ASIC2: variants seen among roughly 807,000 people sequenced by gnomAD.
ASIC2 encodes the protein acid sensing ion channel subunit 2, also known as acid-sensing ion channel 2.
Under a neutral mutation model 57.3 loss-of-function variants are expected in ASIC2, and 25 were observed. The ratio of observed to expected loss-of-function variants is 0.44; its 90% CI spans 0.32 to 0.61. The LOEUF (loss-of-function observed/expected upper bound fraction) is 0.61, where lower values mean the gene tolerates loss of function less well. Among genes scored for constraint, ASIC2 ranks in the 20% least tolerant of loss-of-function variants. The pLI, the probability that ASIC2 is intolerant of heterozygous loss-of-function variation, is 0.06. For missense variants in ASIC2, 641 were observed against 738.1 expected, an observed-to-expected ratio of 0.87 and a Z score of 1.52; for synonymous variants, 319 against 307.5, an observed-to-expected ratio of 1.04 and a Z score of -0.39.
chr17:33,067,488 A>C (rs1208436153), intron 3 of ASIC2, among the ~76,000 whole-genome samples: 2 of 152,206 alleles, frequency 1.3e-5, no homozygotes, highest in Non-Finnish European at 2.9e-5. Flanking sequence ...AGAGATGGGA[A>C]TCTGCAGGGC....
chr17:33,881,058 C>G (rs1456750255), intron 1 of ASIC2, among the ~76,000 whole-genome samples: 1 of 152,224 alleles, frequency 6.6e-6, no homozygotes, highest in South Asian at 2.1e-4. Flanking sequence ...CAAAATTCAA[C>G]AGCCCTTCAT....
At chr17:34,047,506 C>CAAAAAAA (rs765688526) in intron 1 of ASIC2, among the ~76,000 whole-genome samples, 2 of 68,310 alleles carry the variant, frequency 2.9e-5, no homozygotes, top group Non-Finnish European at 3.0e-5. Context: ...CACCTTTCTC[C>CAAAAAAA]AGAAAAAAAA....
At chr17:33,895,821 A>G (rs1444013832) in intron 1 of ASIC2, among the ~76,000 whole-genome samples, 1 of 152,226 alleles carries the variant, frequency 6.6e-6, no homozygotes, top group African/African-American at 2.4e-5. Context: ...GAGGCAGAAC[A>G]GTTGTAAGGC....
intron 1 of ASIC2, among the ~76,000 whole-genome samples, chr17:33,208,691 T>C (rs1422974300): frequency 2.0e-5 from 3 of 151,848 alleles, no homozygotes; most frequent in African/African-American, 7.3e-5. Context: ...TATTTATTAT[T>C]ATTATTAACT....
intron 1 of ASIC2, among the ~76,000 whole-genome samples, chr17:33,782,432 T>C (rs1163458106): frequency 6.6e-6 from 1 of 151,998 alleles, no homozygotes; most frequent in African/African-American, 2.4e-5. Context: ...TAGAGTGATC[T>C]TTTAAAAATA....
At chr17:33,552,964 C>T (rs957697993) in intron 1 of ASIC2, among the ~76,000 whole-genome samples, 1 of 152,200 alleles carries the variant, frequency 6.6e-6, no homozygotes, top group East Asian at 1.9e-4. Flanking sequence ...TCCCTCCCAA[C>T]TGAACCCTGG....
intron 1 of ASIC2, among the ~76,000 whole-genome samples, chr17:33,409,310 G>C (rs1358607644): frequency 6.6e-6 from 1 of 152,224 alleles, no homozygotes; most frequent in East Asian, 1.9e-4. Flanking sequence ...AGTGAGGTGA[G>C]AGGCATCTGC....
chr17:34,062,018 C>T (rs1908987893), intron 1 of ASIC2, among the ~76,000 whole-genome samples: 1 of 152,100 alleles, frequency 6.6e-6, no homozygotes, highest in Non-Finnish European at 1.5e-5. Context: ...TACCTTGGAA[C>T]AAATGGACTT....
At chr17:33,122,827 C>T (rs1281322368) in intron 1 of ASIC2, among the ~76,000 whole-genome samples, 1 of 152,174 alleles carries the variant, frequency 6.6e-6, no homozygotes, top group Non-Finnish European at 1.5e-5. Context: ...CCCTGTCCAT[C>T]CCCCTGCACT....
chr17:33,034,557 GT>G (rs945107982), intron 3 of ASIC2, among the ~76,000 whole-genome samples: 61 of 151,684 alleles, frequency 4.0e-4, no homozygotes, highest in Admixed American at 3.3e-4. Flanking sequence ...TAATGTCTTA[GT>G]TTTTTTTTGT....
At chr17:33,755,343 C>A (rs1910563958) in intron 1 of ASIC2, among the ~76,000 whole-genome samples, 1 of 152,208 alleles carries the variant, frequency 6.6e-6, no homozygotes, top group African/African-American at 2.4e-5. Context: ...TTTCTGACGT[C>A]TAGAGCCATA....
chr17:33,977,879 C>T (rs1428758438), intron 1 of ASIC2, among the ~76,000 whole-genome samples: 5 of 152,172 alleles, frequency 3.3e-5, no homozygotes, highest in East Asian at 1.9e-4. Context: ...TTGGGGCCAG[C>T]GGTCTTGTTG....
chr17:33,271,259 T>C (rs1479386714), intron 1 of ASIC2, among the ~76,000 whole-genome samples: 4 of 152,168 alleles, frequency 2.6e-5, no homozygotes, highest in Non-Finnish European at 5.9e-5. Flanking sequence ...CAGGGCCCAG[T>C]GCTCAGCCTG....
intron 3 of ASIC2, among the ~76,000 whole-genome samples, chr17:33,057,366 C>A (rs996586356): frequency 1.3e-5 from 2 of 152,190 alleles, no homozygotes; most frequent in African/African-American, 4.8e-5. Flanking sequence ...GAAATCACCC[C>A]CTCTGAACCT....
intron 1 of ASIC2, among the ~76,000 whole-genome samples, chr17:33,904,908 G>T (rs950765915): frequency 2.0e-5 from 3 of 152,120 alleles, no homozygotes; most frequent in African/African-American, 7.2e-5. Flanking sequence ...AAGGCTAACA[G>T]CCTTAATTAC....
At chr17:33,636,879 C>CCACA (rs765523479) in intron 1 of ASIC2, among the ~76,000 whole-genome samples, 1 of 149,764 alleles carries the variant, frequency 6.7e-6, no homozygotes, top group Non-Finnish European at 1.5e-5. Flanking sequence ...GCACACACAC[C>CCACA]CACACACACA....
At chr17:34,136,761 C>T (rs1912137243) in intron 1 of ASIC2, among the ~76,000 whole-genome samples, 1 of 152,204 alleles carries the variant, frequency 6.6e-6, no homozygotes, top group African/African-American at 2.4e-5. Context: ...CGTGGCCACT[C>T]ATATTTGGCT....
chr17:33,575,320 C>T (rs1029842946), intron 1 of ASIC2, among the ~76,000 whole-genome samples: 1 of 152,162 alleles, frequency 6.6e-6, no homozygotes, highest in African/African-American at 2.4e-5. Context: ...ACACATAGCA[C>T]AAGTTCCATA....
chr17:34,012,576 C>T (rs1424069900), intron 1 of ASIC2, among the ~76,000 whole-genome samples: 2 of 152,238 alleles, frequency 1.3e-5, no homozygotes, highest in Non-Finnish European at 2.9e-5. Context: ...CCCTCTCAGC[C>T]TTTAGAAAGG....
Sources: allele counts gnomAD v4.1 joint callset (sites outside exome capture counted in the v4.1 genomes callset), GRCh38; gene constraint gnomAD v4.1.1; transcripts MANE v1.5; gene names NCBI Gene and HGNC (gene_info 2026-07-23, HGNC 2026-07-21).